Variants in LRP1B observed in about 807,000 individuals in gnomAD.
LRP1B encodes LDL receptor related protein 1B.
A neutral mutation model predicts 556.6 loss-of-function variants in LRP1B; 217 were observed. The ratio of observed to expected loss-of-function variants is 0.39; its 90% confidence interval spans 0.35 to 0.44. The LOEUF (loss-of-function observed/expected upper bound fraction) is 0.44, where lower values mean the gene tolerates loss of function less well. Among genes scored for constraint, LRP1B ranks in the 20% least tolerant of loss-of-function variants. The pLI, the probability that LRP1B is intolerant of heterozygous loss-of-function variation, is 1.00. For synonymous variants in LRP1B, 2,047 were observed against 1,865.8 expected, an observed-to-expected ratio of 1.10 and a Z score of -2.50; for missense variants, 5,053 against 5,620.8, an observed-to-expected ratio of 0.90 and a Z score of 3.23.
At chr2:140,737,732 A>G (rs183058545) in intron 35 of LRP1B, among the ~76,000 whole-genome samples, 1 of 152,274 alleles carries the variant, frequency 6.6e-6, no homozygotes, top group Admixed American at 6.5e-5. Flanking sequence ...TAGTGTCACA[A>G]TGAAAGACAG....
rs1421956339 is a variant in LRP1B, at chr2:141,473,927, GATTA to G, written c.343+6465_343+6468del. ...AATTTTTAAAATGAGGCTATGACAA[GATTA>G]ATTAAGTAAAATTAAAAACAACAAT... On this transcript the variant is annotated intron_variant, in intron 3 of 90. Coordinates refer to ENST00000389484, the MANE Select transcript of LRP1B (RefSeq NM_018557.3). 2.4e-4 allele frequency among the ~76,000 whole-genome samples: 28 copies of G among 118,806 alleles called. 1 individual carries two copies. Among genetic ancestry groups the G allele is most frequent in the Admixed American group, 2.0e-3 (24 of 12,094 alleles). The allele number at this position is 118,806 out of a possible 152,430, so 77.9% of individuals were successfully genotyped here.
At chr2:142,040,626 T>G (rs1411472848) in intron 1 of LRP1B, among the ~76,000 whole-genome samples, 4 of 148,096 alleles carry the variant, frequency 2.7e-5, no homozygotes, top group Non-Finnish European at 4.5e-5. Context: ...GTACTGAGGT[T>G]TTTTTTTTTT....
rs1258169705 is a variant in LRP1B, at chr2:140,234,848, G to C, written c.13597C>G (p.Leu4533Val). Reference sequence around the variant, plus strand: ...TAGATGGGCGGCGCTGTGTGTGGAAGCTTGAAAGCACTGGGTCCTCCCCCT... The same window carrying C: ...TAGATGGGCGGCGCTGTGTGTGGAACCTTGAAAGCACTGGGTCCTCCCCCT... Reference protein sequence around the residue: ...YIGGGPSAFKLPHTAPPIYLN... With the variant: ...YIGGGPSAFKVPHTAPPIYLN... Residue 4533 changes from leucine to valine, a missense_variant, in exon 90 of 91, where the codon CTT becomes GTT. Physicochemically the swap from Leu to Val is conservative, Grantham distance 32. This residue lies in a region of LRP1B where 551 missense variants were observed against 592.0 expected (regional missense o/e 0.93). Coordinates refer to ENST00000389484, the MANE Select transcript of LRP1B (RefSeq NM_018557.3). 1 of 775,636 alleles carries C rather than the reference G, an allele frequency of 1.3e-6. No homozygotes were observed. Among genetic ancestry groups the C allele is most frequent in the Non-Finnish European group, 2.4e-6 (1 of 414,886 alleles). The allele number at this position is 775,636 out of a possible 1,614,324, so 48.0% of individuals were successfully genotyped here. A position where few individuals can be genotyped will look rare whatever the true frequency, so the allele number is the denominator to read the frequency against.
chr2:141,282,900 A>C, intron 3 of LRP1B, among the ~76,000 whole-genome samples: 1 of 152,168 alleles, frequency 6.6e-6, no homozygotes, highest in East Asian at 1.9e-4. Context: ...TTGGAGGCTA[A>C]GTTGAAAGGG....
chr2:141,940,034 AT>A (rs1700751370), intron 1 of LRP1B, among the ~76,000 whole-genome samples: 1 of 137,838 alleles, frequency 7.3e-6, no homozygotes, highest in Non-Finnish European at 1.6e-5. Flanking sequence ...CAGTATAAGG[AT>A]TTATGAAACA....
At chr2:141,835,875 TG>T (rs557242040) in intron 1 of LRP1B, among the ~76,000 whole-genome samples, 46 of 152,048 alleles carry the variant, frequency 3.0e-4, no homozygotes, top group Admixed American at 1.5e-3. Flanking sequence ...TGAATATACA[TG>T]TACATATAGA....
chr2:142,084,260 G>T (rs566000828), intron 1 of LRP1B, among the ~76,000 whole-genome samples: 1 of 152,262 alleles, frequency 6.6e-6, no homozygotes, highest in East Asian at 1.9e-4. Flanking sequence ...GGGCTTAAAG[G>T]CATGAGCCCC....
chr2:141,668,019 C>T (rs1231071351), intron 2 of LRP1B, among the ~76,000 whole-genome samples: 2 of 152,008 alleles, frequency 1.3e-5, no homozygotes, highest in Non-Finnish European at 2.9e-5. Flanking sequence ...ATGTCAAGTC[C>T]CTAGTATAGA....
chr2:140,512,743 A>C (rs1689720189), intron 51 of LRP1B, among the ~76,000 whole-genome samples: 1 of 152,182 alleles, frequency 6.6e-6, no homozygotes. Context: ...CCTGCATCAG[A>C]ATATTTTGAA....
intron 41 of LRP1B, among the ~76,000 whole-genome samples, chr2:140,608,302 T>C (rs1012220692): frequency 2.0e-5 from 3 of 152,172 alleles, no homozygotes; most frequent in African/African-American, 7.2e-5. Context: ...CCAGTCCAAG[T>C]GGCTGCTAAT....
At chr2:140,716,592 G>A (rs773908600) in intron 36 of LRP1B, 90 bp downstream of exon 36, 62 of 1,319,964 alleles carry the variant, frequency 4.7e-5, no homozygotes, top group Non-Finnish European at 5.8e-5. Context: ...TAAAAGCACT[G>A]TTATGAGTTA....
chr2:141,191,500 C>T (rs1252907546), intron 6 of LRP1B, among the ~76,000 whole-genome samples: 1 of 151,810 alleles, frequency 6.6e-6, no homozygotes, highest in Non-Finnish European at 1.5e-5. Flanking sequence ...ATTGTCAAAA[C>T]AAGGTAGAGA....
chr2:141,751,382 G>T (rs1332902262), intron 2 of LRP1B, among the ~76,000 whole-genome samples: 3 of 152,060 alleles, frequency 2.0e-5, no homozygotes, highest in Non-Finnish European at 4.4e-5. Flanking sequence ...CTTTACTGTA[G>T]TTTTTTTAAA....
chr2:140,494,594 G>A (rs1011839968), intron 56 of LRP1B, among the ~76,000 whole-genome samples: 6 of 129,458 alleles, frequency 4.6e-5, no homozygotes, highest in East Asian at 2.3e-4. Context: ...GTGACAGAGC[G>A]AGACTCCGTC....
chr2:141,829,266 A>G (rs144189802), intron 1 of LRP1B, among the ~76,000 whole-genome samples: 4 of 152,198 alleles, frequency 2.6e-5, no homozygotes, highest in African/African-American at 9.6e-5. Context: ...GCTGCAAAAT[A>G]AGATTTTTAT....
intron 41 of LRP1B, among the ~76,000 whole-genome samples, chr2:140,624,578 C>T (rs1683586348): frequency 6.6e-6 from 1 of 152,072 alleles, no homozygotes; most frequent in Admixed American, 6.6e-5. Context: ...TTCCCTAAGT[C>T]ATTAAAAGGA....
intron 47 of LRP1B, among the ~76,000 whole-genome samples, chr2:140,529,624 T>C (rs993018037): frequency 4.6e-5 from 7 of 152,044 alleles, no homozygotes; most frequent in African/African-American, 1.7e-4. Context: ...TTCAAAGGTT[T>C]GCTATGAACT....
intron 5 of LRP1B, among the ~76,000 whole-genome samples, chr2:141,234,375 T>C (rs1683578807): frequency 6.6e-6 from 1 of 152,000 alleles, no homozygotes; most frequent in Non-Finnish European, 1.5e-5. Context: ...ATTTTTTATT[T>C]TTTATTTTTT....
chr2:141,542,132 G>A (rs1484148485), intron 2 of LRP1B, among the ~76,000 whole-genome samples: 2 of 151,988 alleles, frequency 1.3e-5, no homozygotes, highest in Non-Finnish European at 2.9e-5. Flanking sequence ...TTTATGACTA[G>A]GTGAACCTTA....
Sources: allele counts gnomAD v4.1 joint callset (sites outside exome capture counted in the v4.1 genomes callset), GRCh38; gene constraint gnomAD v4.1.1; regional missense constraint gnomAD v4.1.1; transcripts MANE v1.5; gene names NCBI Gene and HGNC (gene_info 2026-07-23, HGNC 2026-07-21).